DMTN: variants seen among roughly 807,000 people sequenced by gnomAD.
The protein encoded by DMTN is dematin actin binding protein, also known as dematin.
Under a neutral mutation model 59.4 loss-of-function variants are expected in DMTN, and 27 were observed. That is an observed-to-expected ratio of 0.45 (90% CI 0.33 to 0.63). The LOEUF (loss-of-function observed/expected upper bound fraction) is 0.63, where lower values mean the gene tolerates loss of function less well. Among genes scored for constraint, DMTN ranks in the 20% least tolerant of loss-of-function variants. DMTN has a pLI of 0.02. For synonymous variants in DMTN, 221 were observed against 203.7 expected (o/e 1.08, Z -0.72); for missense variants, 451 against 528.9 (o/e 0.85, Z 1.45).
In DMTN at chr8:22,082,103, G is replaced by A. The variant is rs753962471; in HGVS notation, c.*640G>A. On this transcript the variant is annotated 3_prime_UTR_variant, in exon 16 of 16. Transcript: ENST00000358242. ...TAGGGTGGAGATGCCGCCTACACAC[G>A]ATCCTGGCCCTCCACCTGCCTCCAG... 2.4e-5 allele frequency: 11 copies of A among 456,394 alleles called. No homozygotes were observed. The highest frequency in any genetic ancestry group is 4.4e-5 in the Non-Finnish European group (10 of 226,822). 28.3% of individuals were successfully genotyped at this position (456,394 alleles called of 1,614,324 possible). A position where few individuals can be genotyped will look rare whatever the true frequency, so the allele number is the denominator to read the frequency against.
At chr8:22,065,609 G>A (rs1053818099) in intron 1 of DMTN, among the ~76,000 whole-genome samples, 5 of 152,030 alleles carry the variant, frequency 3.3e-5, no homozygotes, top group African/African-American at 7.2e-5. Context: ...TTGGGAGGCC[G>A]AGGCAGGCGG....
chr8:22,065,562 G>T (rs921374504), intron 1 of DMTN, among the ~76,000 whole-genome samples: 2 of 152,146 alleles, frequency 1.3e-5, no homozygotes, highest in Non-Finnish European at 2.9e-5. Context: ...GGAAGGTAGG[G>T]CTGGGCGCGG....
chr8:22,050,372 G>C (rs2129758312), upstream of DMTN, among the ~76,000 whole-genome samples: 1 of 152,298 alleles, frequency 6.6e-6, no homozygotes, highest in South Asian at 2.1e-4. Flanking sequence ...ATTTCCGCAG[G>C]AATTTGAGAC....
rs1037980910 is a variant in DMTN, at chr8:22,068,261, G to A, written c.249+579G>A. The stretch of plus-strand genomic sequence containing the variant: ...TCTTCTATTTGTTTTGAGGCTCTGA[G>A]GACAGGACAAACTATTCCCCAACTG... On this transcript the variant is annotated intron_variant, in intron 4 of 15. Transcript: ENST00000358242. Among the ~76,000 whole-genome samples the A allele has an allele frequency of 2.0e-5, 3 of 152,310 alleles. 1 individual carries two copies.
intron 1 of DMTN, among the ~76,000 whole-genome samples, chr8:22,062,677 C>G (rs2130678026): frequency 6.6e-6 from 1 of 152,140 alleles, no homozygotes; most frequent in East Asian, 1.9e-4. Flanking sequence ...CCCATCACCC[C>G]CCCAATCCCT....
chr8:22,080,873 G>A lies in DMTN; in HGVS notation c.1023+3G>A. 6.4e-7 allele frequency: 1 copy of A among 1,566,442 alleles called. No homozygotes were observed. The highest frequency in any genetic ancestry group is 8.7e-7 in the Non-Finnish European group (1 of 1,154,012). ...TGCCCTGTGTGCTGGAGCAGAAGGT[G>A]AGGGGCAGGGGACACAAGCGCCTGT... On this transcript the variant is annotated splice_donor_region_variant and intron_variant, in intron 14 of 15. Transcript: ENST00000358242.
chr8:22,054,461 C>T (rs1028685982), upstream of DMTN, among the ~76,000 whole-genome samples: 4 of 152,070 alleles, frequency 2.6e-5, no homozygotes, highest in African/African-American at 4.8e-5. Flanking sequence ...GGCCCGCAGC[C>T]GCGTGCCCAG....
chr8:22,081,481 G>T lies in DMTN; in HGVS notation c.*18G>T. 6.2e-7 allele frequency: 1 copy of T among 1,609,184 alleles called. No individual in the cohort carries two copies. Among genetic ancestry groups the T allele is most frequent in the South Asian group, 1.1e-5 (1 of 90,984 alleles). ...TCTTCTGATGGCCCCCACCTGCTCC[G>T]GGACGGCCCCCTTACCCCTGCTGCT... On this transcript the variant is annotated 3_prime_UTR_variant, in exon 16 of 16. Coordinates refer to ENST00000358242, the MANE Select transcript of DMTN (RefSeq NM_001387751.1).
At chr8:22,067,203 G>T in intron 3 of DMTN, 44 bp downstream of exon 3, 1 of 1,589,308 alleles carries the variant, frequency 6.3e-7, no homozygotes, top group Non-Finnish European at 8.6e-7. Context: ...GCTGGGAGGG[G>T]GGAGGGTGGG....
At chr8:22,078,796 C>CGGTTTTT in intron 10 of DMTN, among the ~76,000 whole-genome samples, 1 of 17,328 alleles carries the variant, frequency 5.8e-5, no homozygotes, top group Non-Finnish European at 1.2e-4. Context: ...TAATGTCAGA[C>CGGTTTTT]TGTTTTTTTT....
upstream of DMTN, among the ~76,000 whole-genome samples, chr8:22,056,432 G>C (rs184309953): frequency 6.6e-6 from 1 of 152,320 alleles, no homozygotes; most frequent in East Asian, 1.9e-4. Flanking sequence ...GAATAGGGTA[G>C]GAGGTGCAGG....
chr8:22,051,351 C>T (rs1034760707), upstream of DMTN, among the ~76,000 whole-genome samples: 1 of 152,164 alleles, frequency 6.6e-6, no homozygotes, highest in Admixed American at 6.5e-5. Flanking sequence ...AGCAGGTCAT[C>T]AGAGGGGGAC....
intron 8 of DMTN, among the ~76,000 whole-genome samples, chr8:22,071,825 C>T (rs758566990): frequency 3.3e-5 from 5 of 152,012 alleles, no homozygotes; most frequent in African/African-American, 4.8e-5. Flanking sequence ...CGTGATCCGC[C>T]TGCCTTGGCC....
chr8:22,077,093 C>A (rs58655040), intron 10 of DMTN, among the ~76,000 whole-genome samples: 25,152 of 151,778 alleles, frequency 0.17, 2,333 homozygotes, highest in African/African-American at 0.23. Flanking sequence ...CCTGGGTTAG[C>A]GTTTTTAAGG....
intron 10 of DMTN, among the ~76,000 whole-genome samples, chr8:22,075,827 A>C (rs1338975932): frequency 6.6e-6 from 1 of 152,098 alleles, no homozygotes; most frequent in Non-Finnish European, 1.5e-5. Context: ...CCAAGACTCC[A>C]CTTCTTGATG....
chr8:22,081,418 T>C lies in DMTN; in HGVS notation c.1173T>C (p.Ala391=), dbSNP rs1489090746. The change falls in exon 16 of 16, where the codon GCT becomes GCC. Residue 391 remains alanine, a synonymous_variant. Transcript: ENST00000358242. Reference sequence around the variant, plus strand: ...CCCCTGAAGAGTTTGGCAAGCTGGCTCTGTGGAAGCGGAATGAGCTCAAGA... The same window carrying C: ...CCCCTGAAGAGTTTGGCAAGCTGGCCCTGTGGAAGCGGAATGAGCTCAAGA... ...AMSPEEFGKL[A]LWKRNELKKK... 1 of 1,614,072 alleles carries C rather than the reference T, an allele frequency of 6.2e-7. No homozygotes were observed. Among genetic ancestry groups the C allele is most frequent in the East Asian group, 2.2e-5 (1 of 44,864 alleles).
At chr8:22,080,899 A>AGCGGG in intron 14 of DMTN, 29 bp downstream of exon 14, 2 of 1,542,594 alleles carry the variant, frequency 1.3e-6, no homozygotes, top group Non-Finnish European at 1.8e-6. Context: ...AAGCGCCTGT[A>AGCGGG]GCGGGGCGGG....
At chr8:22,051,230 T>G (rs1414646576), upstream of DMTN, among the ~76,000 whole-genome samples, 1 of 152,060 alleles carries the variant, frequency 6.6e-6, no homozygotes, top group East Asian at 1.9e-4. Context: ...GTGCCTCAAG[T>G]CTCACGCCAG....
At chr8:22,081,244 T>A (rs1454192352) in intron 15 of DMTN, 51 bp downstream of exon 15, 1 of 1,609,002 alleles carries the variant, frequency 6.2e-7, no homozygotes, top group Non-Finnish European at 8.5e-7. Context: ...ACGGGCACTC[T>A]CCTGCCTGGG....
Sources: gnomAD v4.1 joint callset for allele counts (sites outside exome capture counted in the v4.1 genomes callset) on GRCh38, gnomAD v4.1.1 for gene constraint, MANE v1.5 for transcripts, NCBI Gene and HGNC (gene_info 2026-07-23, HGNC 2026-07-21) for gene names.